SPSB4: variants seen among roughly 807,000 people sequenced by gnomAD.
The protein encoded by SPSB4 is splA/ryanodine receptor domain and SOCS box containing 4.
SPSB4 carries 21 observed loss-of-function variants against 20.9 expected under a neutral mutation model. The ratio of observed to expected loss-of-function variants is 1.01; its 90% CI spans 0.71 to 1.45. SPSB4 has a LOEUF of 1.45. SPSB4 is among the 40% of genes most tolerant of loss of function. The pLI, the probability that SPSB4 is intolerant of heterozygous loss-of-function variation, is 0.00. For missense variants in SPSB4, 399 were observed against 399.2 expected (o/e 1.00, Z 0.00); for synonymous variants, 207 against 183.8 (o/e 1.13, Z -1.02).
At chr3:141,067,190 G>C (rs571903162) in intron 2 of SPSB4, among the ~76,000 whole-genome samples, 2 of 152,314 alleles carry the variant, frequency 1.3e-5, no homozygotes, top group South Asian at 4.1e-4. Context: ...ACCCAAGCTA[G>C]TCACAATGGG....
intron 2 of SPSB4, among the ~76,000 whole-genome samples, chr3:141,109,808 C>T (rs1210124730): frequency 1.3e-5 from 2 of 152,074 alleles, no homozygotes; most frequent in African/African-American, 2.4e-5. Context: ...ATTTTGAGCC[C>T]CAATTAAGCA....
chr3:141,057,913 T>A (rs1937689804), intron 1 of SPSB4, among the ~76,000 whole-genome samples: 1 of 152,176 alleles, frequency 6.6e-6, no homozygotes, highest in African/African-American at 2.4e-5. Flanking sequence ...TCTCGTGGAG[T>A]CTGACCCCTT....
chr3:141,119,482 T>G (rs1469541075), intron 2 of SPSB4, among the ~76,000 whole-genome samples: 1 of 152,234 alleles, frequency 6.6e-6, no homozygotes, highest in African/African-American at 2.4e-5. Context: ...TACCCTTTAT[T>G]TCTTTCTCTT....
chr3:141,131,990 CT>C (rs983947800), intron 2 of SPSB4, among the ~76,000 whole-genome samples: 6 of 151,418 alleles, frequency 4.0e-5, no homozygotes, highest in East Asian at 1.9e-4. Context: ...TTTAGTCATT[CT>C]TTTTTTTTCT....
chr3:141,056,620 G>A (rs1480314867), intron 1 of SPSB4, among the ~76,000 whole-genome samples: 4 of 152,242 alleles, frequency 2.6e-5, no homozygotes, highest in African/African-American at 9.6e-5. Flanking sequence ...CATCTTGGGA[G>A]GTAAATGAGG....
intron 2 of SPSB4, among the ~76,000 whole-genome samples, chr3:141,134,940 C>T (rs186516525): frequency 1.3e-5 from 2 of 150,782 alleles, no homozygotes; most frequent in East Asian, 3.9e-4. Flanking sequence ...ATAACAGGTA[C>T]ACTGCAAAAG....
intron 2 of SPSB4, among the ~76,000 whole-genome samples, chr3:141,126,195 A>G (rs1350056351): frequency 6.6e-6 from 1 of 152,168 alleles, no homozygotes; most frequent in African/African-American, 2.4e-5. Context: ...GAGGGAAGAA[A>G]TGTAGCATCC....
chr3:141,126,173 GAGA>G (rs902270704), intron 2 of SPSB4, among the ~76,000 whole-genome samples: 1 of 152,194 alleles, frequency 6.6e-6, no homozygotes, highest in Non-Finnish European at 1.5e-5. Context: ...AGACAGGAAA[GAGA>G]AGCTCAGAGA....
intron 1 of SPSB4, among the ~76,000 whole-genome samples, chr3:141,055,593 C>A (rs1241811083): frequency 6.6e-6 from 1 of 152,120 alleles, no homozygotes; most frequent in African/African-American, 2.4e-5. Context: ...GTCAGGGAAG[C>A]CTGCTAAGAG....
At chr3:141,111,084 C>T (rs956908376) in intron 2 of SPSB4, among the ~76,000 whole-genome samples, 5 of 152,232 alleles carry the variant, frequency 3.3e-5, no homozygotes, top group African/African-American at 1.2e-4. Flanking sequence ...GTCATTTAAC[C>T]TCTCAGAGCC....
At chr3:141,137,498 A>C (rs1328259524) in intron 2 of SPSB4, among the ~76,000 whole-genome samples, 1 of 152,198 alleles carries the variant, frequency 6.6e-6, no homozygotes. Flanking sequence ...CATTATTTAG[A>C]GATATGTCCC....
At chr3:141,073,304 C>T (rs1164318515) in intron 2 of SPSB4, among the ~76,000 whole-genome samples, 2 of 152,208 alleles carry the variant, frequency 1.3e-5, no homozygotes, top group African/African-American at 2.4e-5. Flanking sequence ...GTGCTGAGCT[C>T]ATCTTGCGCA....
intron 2 of SPSB4, among the ~76,000 whole-genome samples, chr3:141,068,665 G>T (rs1937936135): frequency 1.3e-5 from 2 of 152,194 alleles, no homozygotes; most frequent in South Asian, 4.1e-4. Context: ...GTAAGCTCTT[G>T]TGTGGTAGCA....
intron 2 of SPSB4, among the ~76,000 whole-genome samples, chr3:141,110,807 A>G (rs75509246): frequency 5.8e-3 from 891 of 152,382 alleles, no homozygotes; most frequent in Admixed American, 9.3e-3. Flanking sequence ...GTAGGGAAGG[A>G]TAAGCTGATC....
intron 2 of SPSB4, among the ~76,000 whole-genome samples, chr3:141,088,386 A>G (rs1056904265): frequency 6.6e-6 from 1 of 152,214 alleles, no homozygotes; most frequent in Non-Finnish European, 1.5e-5. Flanking sequence ...GCTTTTATGT[A>G]CTTCCAAATC....
intron 2 of SPSB4, among the ~76,000 whole-genome samples, chr3:141,085,005 A>G (rs1421767641): frequency 2.0e-5 from 3 of 152,356 alleles, no homozygotes; most frequent in African/African-American, 7.2e-5. Context: ...CTCAAGATGG[A>G]TGCACTGCAG....
In SPSB4 at chr3:141,079,596, C is replaced by G. The variant is rs185122096; in HGVS notation, c.694+12798C>G. Among the ~76,000 whole-genome samples, 824 of 152,280 alleles carry G rather than the reference C, an allele frequency of 5.4e-3. 5 individuals carry two copies. Among genetic ancestry groups the G allele is most frequent in the Non-Finnish European group, 7.7e-3 (523 of 68,012 alleles). On this transcript the variant is annotated intron_variant, in intron 2 of 2. Coordinates refer to ENST00000310546, the MANE Select transcript of SPSB4 (RefSeq NM_080862.3). The stretch of plus-strand genomic sequence containing the variant: ...TCCCTGCACCAGTGTTTATGAAGGG[C>G]CTGTGGTGTGCTGACCCTTAGCCGG...
intron 2 of SPSB4, among the ~76,000 whole-genome samples, chr3:141,069,552 G>A (rs1457856849): frequency 6.6e-6 from 1 of 152,184 alleles, no homozygotes; most frequent in East Asian, 1.9e-4. Context: ...GGAAGCAAAA[G>A]GCAGGCCAAC....
intron 2 of SPSB4, among the ~76,000 whole-genome samples, chr3:141,094,741 G>A (rs1403923875): frequency 6.6e-6 from 1 of 152,130 alleles, no homozygotes; most frequent in African/African-American, 2.4e-5. Flanking sequence ...TTCTTGGCCT[G>A]AAGGTTCTCC....
Sources: allele counts gnomAD v4.1 joint callset (sites outside exome capture counted in the v4.1 genomes callset), GRCh38; gene constraint gnomAD v4.1.1; transcripts MANE v1.5; gene names NCBI Gene and HGNC (gene_info 2026-07-23, HGNC 2026-07-21).